The following CLDN23 variants were observed in gnomAD, a reference collection of about 807,000 sequenced individuals.
CLDN23 encodes claudin 23, also known as claudin-23.
CLDN23 carries 3 observed loss-of-function variants against 1.4 expected under a neutral mutation model. The observed-to-expected ratio is 2.10, with a 90% CI of 0.96 to 5.43. The LOEUF is 5.43. Ranked by LOEUF, CLDN23 falls within the 30% of genes most tolerant of loss-of-function variation. The pLI is 0.02. For synonymous variants in CLDN23, 291 were observed against 209.9 expected (o/e 1.39, Z -3.34); for missense variants, 597 against 433.5 (o/e 1.38, Z -3.35).
Position 8,702,954 on chromosome 8 carries a change from G to T in CLDN23, c.556G>T (p.Asp186Tyr). The T allele has an allele frequency of 6.4e-7, 1 of 1,567,172 alleles. No homozygotes were observed. The highest frequency in any genetic ancestry group is 8.6e-7 in the Non-Finnish European group (1 of 1,161,892). The change falls in exon 1 of 1, where the codon GAC becomes TAC. Residue 186 changes from aspartate to tyrosine, a missense_variant. Asp to Tyr is a radical substitution (Grantham distance 160). Transcript: ENST00000519106. ...SLALSFAPWCDERCRRRRKGP... is the reference protein window; with the variant it reads ...SLALSFAPWCYERCRRRRKGP... Reference sequence around the variant, plus strand: ...GGCGCTCAGCTTCGCGCCCTGGTGCGACGAGCGTTGTCGCCGCCGCCGCAA... The same window carrying T: ...GGCGCTCAGCTTCGCGCCCTGGTGCTACGAGCGTTGTCGCCGCCGCCGCAA...
At position 8,703,006 on chromosome 8, in the gene CLDN23, G is replaced by A. The variant is rs772137395; in HGVS notation, c.608G>A (p.Ser203Asn). 2 of 1,562,594 alleles carry A rather than the reference G, an allele frequency of 1.3e-6. No homozygotes were observed. Among genetic ancestry groups the A allele is most frequent in the Admixed American group, 1.8e-5 (1 of 55,932 alleles). The change falls in exon 1 of 1, where the codon AGC (serine) becomes AAC (asparagine). Residue 203 changes from serine to asparagine, a missense_variant. Coordinates refer to ENST00000519106, the MANE Select transcript of CLDN23 (RefSeq NM_194284.3). ...GGACCCTCCGCCGGGCCTCGCCGCA[G>A]CAGCGTCAGCACCATCCAAGTGGAG... is the stretch of plus-strand genomic sequence containing the variant. ...RKGPSAGPRR[S>N]SVSTIQVEWP... is the part of the protein sequence containing the mutation.
chr8:8,702,573 C>T lies in CLDN23; in HGVS notation c.175C>T (p.Arg59Cys), dbSNP rs369577087. The stretch of plus-strand genomic sequence containing the variant: ...GGACATGTGTCGCGAGCAGAGCAGC[C>T]GCGAGCGCGAGTGCGGCCAGACGGA... The part of the protein sequence containing the change: ...LWDMCREQSS[R>C]ERECGQTDQW... The change falls in exon 1 of 1, where the codon CGC becomes TGC. Residue 59 changes from arginine to cysteine, a missense_variant. Arg to Cys is a radical substitution (Grantham distance 180). Transcript: ENST00000519106. 2.7e-5 allele frequency: 43 copies of T among 1,610,090 alleles called. No individual in the cohort carries two copies. In the African/African-American group the frequency reaches 3.9e-4, roughly 14 times the overall value.
rs551746142 is a variant in CLDN23, at chr8:8,702,637, C to T, written c.239C>T (p.Ala80Val). The T allele has an allele frequency of 1.2e-6, 2 of 1,603,610 alleles. No individual in the cohort carries two copies. The highest frequency in any genetic ancestry group is 1.1e-5 in the South Asian group (1 of 90,462). ...GYFEAQPVLV[A>V]RALMVTSLAA... ...TTCGAGGCCCAGCCCGTGCTGGTGG[C>T]GCGGGCACTCATGGTCACCTCGCTG... is the stretch of plus-strand genomic sequence containing the variant. Residue 80 changes from alanine (A) to valine (V), a missense_variant, in exon 1 of 1, where the codon GCG becomes GTG. By Grantham distance (64) the Ala-to-Val change is moderately conservative. Coordinates refer to ENST00000519106, the MANE Select transcript of CLDN23 (RefSeq NM_194284.3).
At position 8,702,995 on chromosome 8, in the gene CLDN23, G is replaced by T. The variant is rs768817189; in HGVS notation, c.597G>T (p.Gly199=). ...CRRRRKGPSA[G]PRRSSVSTIQ... ...GCCGCCGCAAGGGACCCTCCGCCGG[G>T]CCTCGCCGCAGCAGCGTCAGCACCA... The change falls in exon 1 of 1, where the codon GGG becomes GGT. Residue 199 remains glycine, a synonymous_variant. Transcript: ENST00000519106. The T allele has an allele frequency of 2.9e-5, 46 of 1,562,914 alleles. No homozygotes were observed. The highest frequency in any genetic ancestry group is 5.2e-6 in the Non-Finnish European group (6 of 1,159,978).
rs1172725946 is a variant in CLDN23 at position 8,703,044 on chromosome 8, G to A, written c.646G>A (p.Asp216Asn). The A allele has an allele frequency of 5.9e-6, 9 of 1,528,462 alleles. No individual in the cohort carries two copies. Among genetic ancestry groups the A allele is most frequent in the African/African-American group, 1.4e-5 (1 of 71,574 alleles). 94.7% of individuals were successfully genotyped at this position (1,528,462 alleles called of 1,614,324 possible). Reference protein sequence around the residue: ...STIQVEWPEPDLAPAIKYYSD... With the variant: ...STIQVEWPEPNLAPAIKYYSD... ...CATCCAAGTGGAGTGGCCCGAGCCC[G>A]ACCTGGCGCCCGCCATCAAGTACTA... Residue 216 changes from aspartate (D) to asparagine (N), a missense_variant, in exon 1 of 1, where the codon GAC becomes AAC. Asp to Asn is a conservative substitution (Grantham distance 23). Transcript: ENST00000519106.
Position 8,702,825 on chromosome 8 carries a change from G to C in CLDN23, c.427G>C (p.Asp143His). The change falls in exon 1 of 1, where the codon GAC becomes CAC. Residue 143 changes from aspartate to histidine, a missense_variant. Physicochemically the swap from Asp to His is moderately conservative, Grantham distance 81. Transcript: ENST00000519106. ...GTACAACCACTTCTTGGGGGACCGC[G>C]ACGTGCTGCCCGCCCCGGCCAGCCC... ...SWYNHFLGDR[D>H]VLPAPASPVT... is the part of the protein sequence containing the mutation. The C allele has an allele frequency of 1.2e-6, 2 of 1,609,030 alleles. No individual in the cohort carries two copies. Among genetic ancestry groups the C allele is most frequent in the African/African-American group, 1.3e-5 (1 of 74,990 alleles).
Position 8,702,246 on chromosome 8 carries a change from C to T in CLDN23, c.-153C>T. 1.3e-6 allele frequency: 1 copy of T among 741,324 alleles called. No individual in the cohort carries two copies. Among genetic ancestry groups the T allele is most frequent in the Non-Finnish European group, 2.1e-6 (1 of 481,660 alleles). 45.9% of individuals were successfully genotyped at this position (741,324 alleles called of 1,614,324 possible). A position where few individuals can be genotyped will look rare whatever the true frequency, so the allele number is the denominator to read the frequency against. On this transcript the variant is annotated 5_prime_UTR_variant, in exon 1 of 1. Coordinates refer to ENST00000519106, the MANE Select transcript of CLDN23 (RefSeq NM_194284.3). ...AGACAAAGAGCGTCCCTGGAGCGATCAGGGCTCAGGAGCCCGACCCGGAGC... is the reference window on the plus strand; with the variant it reads ...AGACAAAGAGCGTCCCTGGAGCGATTAGGGCTCAGGAGCCCGACCCGGAGC...
Position 8,703,247 on chromosome 8 carries a change from C to T in CLDN23, c.849C>T (p.Asp283=). 1 of 1,414,572 alleles carries T rather than the reference C, an allele frequency of 7.1e-7. No individual in the cohort carries two copies. The highest frequency in any genetic ancestry group is 2.8e-5 in the East Asian group (1 of 35,504). The allele number at this position is 1,414,572 out of a possible 1,614,324, so 87.6% of individuals were successfully genotyped here. A position where few individuals can be genotyped will look rare whatever the true frequency, so the allele number is the denominator to read the frequency against. The stretch of plus-strand genomic sequence containing the variant: ...CCTCGTGCAGCACCCACCCCTGCGA[C>T]AGCTCGCTGCCCTGCGACTCCGACC... ...DAPSCSTHPC[D]SSLPCDSDL is the part of the protein sequence containing the mutation. The change falls in exon 1 of 1, where the codon GAC becomes GAT. Residue 283 remains aspartate, a synonymous_variant. Coordinates refer to ENST00000519106, the MANE Select transcript of CLDN23 (RefSeq NM_194284.3).
chr8:8,703,433 C>A lies in CLDN23; in HGVS notation c.*156C>A. ...AACAGGACTCCTTGGACGATTAGTT[C>A]AGGTTGGGTTTGGTTTTCTTCTTAA... On this transcript the variant is annotated 3_prime_UTR_variant, in exon 1 of 1. Coordinates refer to ENST00000519106, the MANE Select transcript of CLDN23 (RefSeq NM_194284.3). 1 of 709,016 alleles carries A rather than the reference C, an allele frequency of 1.4e-6. No homozygotes were observed. The highest frequency in any genetic ancestry group is 4.2e-4 in the Middle Eastern group (1 of 2,398). 43.9% of individuals were successfully genotyped at this position (709,016 alleles called of 1,614,324 possible). A position where few individuals can be genotyped will look rare whatever the true frequency, so the allele number is the denominator to read the frequency against.
At position 8,702,925 on chromosome 8, in the gene CLDN23, C is replaced by T. The variant is rs768690699; in HGVS notation, c.527C>T (p.Ser176Leu). The change falls in exon 1 of 1, where the codon TCG becomes TTG. Residue 176 changes from serine (S) to leucine (L), a missense_variant. By Grantham distance (145) the Ser-to-Leu change is moderately radical. Transcript: ENST00000519106. ...GSCLLLLGGF[S>L]LALSFAPWCD... is the part of the protein sequence containing the mutation. ...TGCCTCCTGCTGCTGGGCGGCTTCT[C>T]GCTGGCGCTCAGCTTCGCGCCCTGG... is the stretch of plus-strand genomic sequence containing the variant. The T allele has an allele frequency of 1.9e-6, 3 of 1,568,730 alleles. No homozygotes were observed. The highest frequency in any genetic ancestry group is 1.4e-5 in the African/African-American group (1 of 74,044).
In CLDN23 at chr8:8,702,574, G is replaced by A. The variant is rs373271097; in HGVS notation, c.176G>A (p.Arg59His). The A allele has an allele frequency of 2.0e-5, 32 of 1,609,924 alleles. 1 individual carries two copies. Among genetic ancestry groups the A allele is most frequent in the East Asian group, 1.8e-4 (8 of 44,794 alleles). Residue 59 changes from arginine to histidine, a missense_variant, in exon 1 of 1, where the codon CGC becomes CAC. Coordinates refer to ENST00000519106, the MANE Select transcript of CLDN23 (RefSeq NM_194284.3). ...LWDMCREQSS[R>H]ERECGQTDQW... ...GACATGTGTCGCGAGCAGAGCAGCC[G>A]CGAGCGCGAGTGCGGCCAGACGGAC...
rs767247445 is a variant in CLDN23 at position 8,702,872 on chromosome 8, C to G, written c.474C>G (p.Tyr158Ter). ...PASPVTVQVS[Y>*]SLVLGYLGSC... ...GCCCGGTCACGGTGCAGGTCAGCTA[C>G]AGCCTGGTCCTGGGCTACCTGGGCA... The change falls in exon 1 of 1, where the codon TAC (tyrosine) becomes TAG (stop). Residue 158 changes from tyrosine (Y) to a stop codon, truncating the protein, a stop_gained. Coordinates refer to ENST00000519106, the MANE Select transcript of CLDN23 (RefSeq NM_194284.3). LOFTEE classifies it low-confidence loss of function (END_TRUNC). 1 of 1,591,900 alleles carries G rather than the reference C, an allele frequency of 6.3e-7. No individual in the cohort carries two copies. Among genetic ancestry groups the G allele is most frequent in the South Asian group, 1.1e-5 (1 of 89,962 alleles).
Position 8,703,339 on chromosome 8 carries a change from G to A in CLDN23, c.*62G>A, listed in dbSNP as rs1802813109. On this transcript the variant is annotated 3_prime_UTR_variant, in exon 1 of 1. Transcript: ENST00000519106. ...GACTCACCCCCGCACAGGCCCGCCT[G>A]GCTTCGAGTTGGAACCCGGACACTT... 7.7e-7 allele frequency: 1 copy of A among 1,298,654 alleles called. No homozygotes were observed. Among genetic ancestry groups the A allele is most frequent in the African/African-American group, 1.5e-5 (1 of 64,684 alleles). The allele number at this position is 1,298,654 out of a possible 1,614,324, so 80.4% of individuals were successfully genotyped here.
rs529160090 is a variant in CLDN23 at position 8,703,614 on chromosome 8, A to G, written c.*337A>G. ...CAGCAGTGCTCAGAAACAATTTAAC[A>G]TGTTGAAACGACAATATTCTAAAAT... On this transcript the variant is annotated 3_prime_UTR_variant, in exon 1 of 1. Coordinates refer to ENST00000519106, the MANE Select transcript of CLDN23 (RefSeq NM_194284.3). The G allele has an allele frequency of 4.2e-6, 1 of 238,572 alleles. No homozygotes were observed. Among genetic ancestry groups the G allele is most frequent in the Admixed American group, 5.8e-5 (1 of 17,308 alleles). The allele number at this position is 238,572 out of a possible 1,614,324, so 14.8% of individuals were successfully genotyped here.
Position 8,702,774 on chromosome 8 carries a change from C to G in CLDN23, c.376C>G (p.Leu126Val), listed in dbSNP as rs540678494. 3 of 1,610,726 alleles carry G rather than the reference C, an allele frequency of 1.9e-6. No homozygotes were observed. Among genetic ancestry groups the G allele is most frequent in the Non-Finnish European group, 1.7e-6 (2 of 1,179,572 alleles). The change falls in exon 1 of 1, where the codon CTC becomes GTC. Residue 126 changes from leucine to valine, a missense_variant. Physicochemically the swap from Leu to Val is conservative, Grantham distance 32. Coordinates refer to ENST00000519106, the MANE Select transcript of CLDN23 (RefSeq NM_194284.3). The part of the protein sequence containing the change: ...LSGVVLFVAG[L>V]LGLIPVSWYN... ...GGGCGTCGTGCTCTTCGTCGCTGGCCTCCTCGGCCTCATCCCGGTGTCCTG... is the reference window on the plus strand; with the variant it reads ...GGGCGTCGTGCTCTTCGTCGCTGGCGTCCTCGGCCTCATCCCGGTGTCCTG...
Position 8,703,608 on chromosome 8 carries a change from T to C in CLDN23, c.*331T>C, listed in dbSNP as rs1344246547. On this transcript the variant is annotated 3_prime_UTR_variant, in exon 1 of 1. Coordinates refer to ENST00000519106, the MANE Select transcript of CLDN23 (RefSeq NM_194284.3). Reference sequence around the variant, plus strand: ...TGAAATCAGCAGTGCTCAGAAACAATTTAACATGTTGAAACGACAATATTC... The same window carrying C: ...TGAAATCAGCAGTGCTCAGAAACAACTTAACATGTTGAAACGACAATATTC... 3 of 259,482 alleles carry C rather than the reference T, an allele frequency of 1.2e-5. No individual in the cohort carries two copies. The highest frequency in any genetic ancestry group is 2.3e-5 in the Non-Finnish European group (3 of 128,582). 16.1% of individuals were successfully genotyped at this position (259,482 alleles called of 1,614,324 possible).
Position 8,703,115 on chromosome 8 carries a change from C to G in CLDN23, c.717C>G (p.Pro239=), listed in dbSNP as rs778725321. 3 of 1,545,656 alleles carry G rather than the reference C, an allele frequency of 1.9e-6. No individual in the cohort carries two copies. Among genetic ancestry groups the G allele is most frequent in the Admixed American group, 1.9e-5 (1 of 52,428 alleles). The change falls in exon 1 of 1, where the codon CCC becomes CCG. Residue 239 remains proline (P), a synonymous_variant. Transcript: ENST00000519106. The stretch of plus-strand genomic sequence containing the variant: ...CGCCGCCTGCCCAGCACCGCAAGCC[C>G]AAGCCCAAGCCCAAGGTCGGCTTCC... ...HRPPPAQHRK[P]KPKPKVGFPM... is the part of the protein sequence containing the mutation.
rs900434606 is a variant in CLDN23, at chr8:8,703,076, C to T, written c.678C>T (p.Asp226=). ...CGCCCGCCATCAAGTACTACAGCGA[C>T]GGCCAGCACCGACCGCCGCCTGCCC... The part of the protein sequence containing the change: ...DLAPAIKYYS[D]GQHRPPPAQH... Residue 226 remains aspartate (D), a synonymous_variant, in exon 1 of 1, where the codon GAC becomes GAT. Coordinates refer to ENST00000519106, the MANE Select transcript of CLDN23 (RefSeq NM_194284.3). The T allele has an allele frequency of 6.5e-7, 1 of 1,530,054 alleles. No individual in the cohort carries two copies. The highest frequency in any genetic ancestry group is 2.0e-5 in the Admixed American group (1 of 50,074). The allele number at this position is 1,530,054 out of a possible 1,614,324, so 94.8% of individuals were successfully genotyped here. A position where few individuals can be genotyped will look rare whatever the true frequency, so the allele number is the denominator to read the frequency against.
rs778518209 is a variant in CLDN23 at position 8,702,720 on chromosome 8, G to A, written c.322G>A (p.Glu108Lys). The A allele has an allele frequency of 3.1e-6, 5 of 1,608,018 alleles. No individual in the cohort carries two copies. Among genetic ancestry groups the A allele is most frequent in the Non-Finnish European group, 4.2e-6 (5 of 1,179,436 alleles). The change falls in exon 1 of 1, where the codon GAG becomes AAG. Residue 108 changes from glutamate (E) to lysine (K), a missense_variant. Physicochemically the swap from Glu to Lys is moderately conservative, Grantham distance 56. Coordinates refer to ENST00000519106, the MANE Select transcript of CLDN23 (RefSeq NM_194284.3). ...ASLGVRCWQD[E>K]PNFVLAGLSG... ...GCTGGGCGTGCGCTGCTGGCAGGAC[G>A]AGCCCAACTTCGTGCTGGCAGGGCT...
Sources: allele counts gnomAD v4.1 joint callset, GRCh38; gene constraint gnomAD v4.1.1; transcripts MANE v1.5; gene names NCBI Gene and HGNC (gene_info 2026-07-23, HGNC 2026-07-21).